The following NSMCE2 variants were observed in gnomAD, a reference collection of about 807,000 sequenced individuals.
The protein encoded by NSMCE2 is NSE2 SUMO ligase component of SMC5/6 complex.
A neutral mutation model predicts 23.8 loss-of-function variants in NSMCE2; 24 were observed. That is an observed-to-expected ratio of 1.01 (90% CI 0.73 to 1.42). The LOEUF is 1.42. Ranked by LOEUF, NSMCE2 falls within the 40% of genes most tolerant of loss-of-function variation. The probability of loss-of-function intolerance (pLI) is 0.00; values close to 1 mark genes in which losing one functional copy is unlikely to be tolerated. For missense variants in NSMCE2, 284 were observed against 296.5 expected (o/e 0.96, Z 0.31); for synonymous variants, 92 against 94.1 (o/e 0.98, Z 0.13).
intron 5 of NSMCE2, among the ~76,000 whole-genome samples, chr8:125,246,345 G>T (rs898528850): frequency 1.4e-4 from 21 of 151,576 alleles, no homozygotes; most frequent in African/African-American, 3.9e-4. Context: ...CACCATGCCC[G>T]ACTAATTTTT....
At chr8:125,154,809 T>C (rs1034749124) in intron 4 of NSMCE2, among the ~76,000 whole-genome samples, 9 of 152,156 alleles carry the variant, frequency 5.9e-5, no homozygotes, top group African/African-American at 2.2e-4. Flanking sequence ...ACGGAAAAAC[T>C]GTTTTCTCAG....
At chr8:125,215,211 T>G in intron 5 of NSMCE2, among the ~76,000 whole-genome samples, 1 of 119,446 alleles carries the variant, frequency 8.4e-6, no homozygotes, top group Non-Finnish European at 1.7e-5. Flanking sequence ...CCCACAACAG[T>G]CCCCAGAGTG....
intron 1 of NSMCE2, among the ~76,000 whole-genome samples, chr8:125,097,185 A>G (rs1006737681): frequency 6.6e-6 from 1 of 152,130 alleles, no homozygotes; most frequent in Non-Finnish European, 1.5e-5. Context: ...GTGGAACTGT[A>G]AAGTCCCAGA....
chr8:125,257,121 TAAAAATACAA>T lies in NSMCE2; in HGVS notation c.418+74869_418+74878del, dbSNP rs548534878. ...CAACATGGTGAAGCCCCATCTCTAC[TAAAAATACAA>T]AAATTAGTCAGGCGTGGTGGCACGT... is the stretch of plus-strand genomic sequence containing the variant. On this transcript the variant is annotated intron_variant, in intron 5 of 7. Coordinates refer to ENST00000287437, the MANE Select transcript of NSMCE2 (RefSeq NM_173685.4). Among the ~76,000 whole-genome samples the T allele has an allele frequency of 1.4e-4, 21 of 146,178 alleles. No individual in the cohort carries two copies. In the South Asian group the frequency reaches 4.6e-3, roughly 32 times the overall value.
At chr8:125,179,624 T>A (rs1221035477) in intron 4 of NSMCE2, among the ~76,000 whole-genome samples, 1 of 152,260 alleles carries the variant, frequency 6.6e-6, no homozygotes, top group Non-Finnish European at 1.5e-5. Context: ...AGAAGACATT[T>A]ACAGCAGTGA....
intron 5 of NSMCE2, among the ~76,000 whole-genome samples, chr8:125,195,243 C>T (rs961730366): frequency 1.3e-5 from 2 of 151,990 alleles, no homozygotes; most frequent in African/African-American, 2.4e-5. Flanking sequence ...TCAGTCTCTA[C>T]CCCAGAGATT....
intron 4 of NSMCE2, among the ~76,000 whole-genome samples, chr8:125,161,482 C>CA (rs1821624905): frequency 6.6e-6 from 1 of 152,050 alleles, no homozygotes; most frequent in African/African-American, 2.4e-5. Context: ...TCAGAAAGAT[C>CA]AAGTCAGTAT....
chr8:125,258,952 T>C (rs1826560693), intron 5 of NSMCE2, among the ~76,000 whole-genome samples: 1 of 152,162 alleles, frequency 6.6e-6, no homozygotes. Flanking sequence ...GCCCAGGCTG[T>C]AGTGCAATGG....
At chr8:125,201,880 C>T (rs959559415) in intron 5 of NSMCE2, among the ~76,000 whole-genome samples, 4 of 152,230 alleles carry the variant, frequency 2.6e-5, no homozygotes, top group Non-Finnish European at 5.9e-5. Context: ...CTTTGTTTAC[C>T]TACTCAAGCC....
chr8:125,295,253 TGG>T (rs1828276455), intron 5 of NSMCE2, among the ~76,000 whole-genome samples: 1 of 152,152 alleles, frequency 6.6e-6, no homozygotes, highest in African/African-American at 2.4e-5. Context: ...GCCCCTAATC[TGG>T]TGACCTTTGT....
At chr8:125,252,475 G>A (rs1826238338) in intron 5 of NSMCE2, among the ~76,000 whole-genome samples, 3 of 152,144 alleles carry the variant, frequency 2.0e-5, no homozygotes, top group Admixed American at 2.0e-4. Flanking sequence ...GCAGTGAGCT[G>A]AGATCCCGCC....
At chr8:125,365,194 T>C (rs1586826058) in intron 7 of NSMCE2, among the ~76,000 whole-genome samples, 1 of 152,110 alleles carries the variant, frequency 6.6e-6, no homozygotes, top group South Asian at 2.1e-4. Flanking sequence ...ACCAGGACTG[T>C]GGTTCTGTGC....
chr8:125,344,738 A>G (rs1374856888), intron 5 of NSMCE2, among the ~76,000 whole-genome samples: 3 of 42,766 alleles, frequency 7.0e-5, no homozygotes, highest in African/African-American at 3.7e-4. Context: ...GCAAGACTTC[A>G]TCTCAAAAAA....
intron 5 of NSMCE2, among the ~76,000 whole-genome samples, chr8:125,256,379 C>T (rs1291153141): frequency 6.6e-6 from 1 of 152,008 alleles, no homozygotes; most frequent in Admixed American, 6.5e-5. Flanking sequence ...ATGCCAGTGC[C>T]ACCAGAAGGG....
intron 7 of NSMCE2, among the ~76,000 whole-genome samples, chr8:125,364,450 G>A (rs1813699211): frequency 6.6e-6 from 1 of 152,086 alleles, no homozygotes; most frequent in Non-Finnish European, 1.5e-5. Context: ...CTTTACTGTG[G>A]TTTGCACATT....
At chr8:125,252,880 T>C in intron 5 of NSMCE2, among the ~76,000 whole-genome samples, 1 of 152,266 alleles carries the variant, frequency 6.6e-6, no homozygotes, top group Non-Finnish European at 1.5e-5. Flanking sequence ...CCAAGGTTAT[T>C]TAAAGTGTCC....
intron 3 of NSMCE2, among the ~76,000 whole-genome samples, chr8:125,108,128 C>T (rs1438702953): frequency 2.6e-4 from 39 of 152,124 alleles, no homozygotes; most frequent in Admixed American, 2.6e-3. Flanking sequence ...TAGTTTTGAC[C>T]CACGGACCCC....
chr8:125,296,032 A>G (rs1828310117), intron 5 of NSMCE2, among the ~76,000 whole-genome samples: 1 of 152,196 alleles, frequency 6.6e-6, no homozygotes, highest in South Asian at 2.1e-4. Flanking sequence ...TTAGATTCTG[A>G]TCTTTGCACT....
At chr8:125,312,003 G>C (rs1828988963) in intron 5 of NSMCE2, among the ~76,000 whole-genome samples, 1 of 149,850 alleles carries the variant, frequency 6.7e-6, no homozygotes, top group Non-Finnish European at 1.5e-5. Context: ...GGGAGGTGGT[G>C]GTTGCAGTGA....
Sources: allele counts gnomAD v4.1 joint callset (sites outside exome capture counted in the v4.1 genomes callset), GRCh38; gene constraint gnomAD v4.1.1; transcripts MANE v1.5; gene names NCBI Gene and HGNC (gene_info 2026-07-23, HGNC 2026-07-21).